The following GPAT4 variants were observed in gnomAD, a reference collection of about 807,000 sequenced individuals.
GPAT4 encodes glycerol-3-phosphate acyltransferase 4.
A neutral mutation model predicts 58.0 loss-of-function variants in GPAT4; 17 were observed. The observed-to-expected ratio is 0.29, with a 90% CI of 0.20 to 0.44. The LOEUF (loss-of-function observed/expected upper bound fraction) is 0.44, where lower values mean the gene tolerates loss of function less well. GPAT4 is among the 20% of genes least tolerant of loss of function. The pLI, the probability that GPAT4 is intolerant of heterozygous loss-of-function variation, is 1.00. For missense variants in GPAT4, 377 were observed against 574.5 expected (o/e 0.66, Z 3.51); for synonymous variants, 204 against 210.1 (o/e 0.97, Z 0.25).
At chr8:41,602,897 A>G (rs1294659997) in intron 2 of GPAT4, among the ~76,000 whole-genome samples, 1 of 152,146 alleles carries the variant, frequency 6.6e-6, no homozygotes, top group Non-Finnish European at 1.5e-5. Context: ...CTCCTGCGGC[A>G]GAGGGATGAG....
intron 8 of GPAT4, among the ~76,000 whole-genome samples, chr8:41,613,484 G>C (rs955129554): frequency 4.6e-5 from 7 of 151,714 alleles, no homozygotes; most frequent in African/African-American, 1.7e-4. Flanking sequence ...AACAAAATAC[G>C]AATTTTTACT....
At position 41,622,578 on chromosome 8, in the gene GPAT4, A is replaced by C. The variant is rs1325308417; in HGVS notation, c.*1577A>C. Reference sequence around the variant, plus strand: ...TTTTGTGCCTGTGGTGCTGAGTGTCACGTCCCCAAGGTCGCCCTCTGGCCT... The same window carrying C: ...TTTTGTGCCTGTGGTGCTGAGTGTCCCGTCCCCAAGGTCGCCCTCTGGCCT... On this transcript the variant is annotated 3_prime_UTR_variant, in exon 13 of 13. Transcript: ENST00000396987. 2.6e-5 allele frequency: 4 copies of C among 152,276 alleles called. No individual in the cohort carries two copies. Among genetic ancestry groups the C allele is most frequent in the Admixed American group, 2.6e-4 (4 of 15,274 alleles). The allele number at this position is 152,276 out of a possible 1,614,324, so 9.4% of individuals were successfully genotyped here.
At chr8:41,608,456 T>C (rs1803345717) in intron 2 of GPAT4, among the ~76,000 whole-genome samples, 1 of 152,228 alleles carries the variant, frequency 6.6e-6, no homozygotes, top group African/African-American at 2.4e-5. Flanking sequence ...AGTGATACCA[T>C]ATCCAAGGGG....
At position 41,618,749 on chromosome 8, in the gene GPAT4, G is replaced by A. The variant is rs1210459398; in HGVS notation, c.1119G>A (p.Leu373=). The part of the protein sequence containing the change: ...SSKYGMVTYL[L]RMMTSWAIVC... Reference sequence around the variant, plus strand: ...AATACGGGATGGTGACGTACCTGCTGCGAATGATGACCAGCTGGGCCATTG... The same window carrying A: ...AATACGGGATGGTGACGTACCTGCTACGAATGATGACCAGCTGGGCCATTG... The change falls in exon 11 of 13, where the codon CTG becomes CTA. Residue 373 remains leucine (L), a synonymous_variant. Transcript: ENST00000396987. 3 of 1,614,156 alleles carry A rather than the reference G, an allele frequency of 1.9e-6. No homozygotes were observed. Among genetic ancestry groups the A allele is most frequent in the Admixed American group, 1.7e-5 (1 of 60,018 alleles).
intron 2 of GPAT4, among the ~76,000 whole-genome samples, chr8:41,599,733 G>C (rs1803030866): frequency 1.3e-5 from 2 of 152,176 alleles, no homozygotes; most frequent in African/African-American, 4.8e-5. Context: ...GACAGAAAAG[G>C]GCATTTGAAT....
chr8:41,613,977 C>T (rs1803521031), intron 8 of GPAT4, among the ~76,000 whole-genome samples: 2 of 152,188 alleles, frequency 1.3e-5, no homozygotes, highest in African/African-American at 4.8e-5. Flanking sequence ...ATGAACTCTC[C>T]CCTAACTCCC....
intron 10 of GPAT4, among the ~76,000 whole-genome samples, chr8:41,617,026 T>A (rs943233600): frequency 2.0e-5 from 3 of 152,180 alleles, no homozygotes; most frequent in South Asian, 4.1e-4. Flanking sequence ...GTTCTCACAC[T>A]CTGGTGACAT....
intron 2 of GPAT4, among the ~76,000 whole-genome samples, chr8:41,607,742 T>C (rs1229703416): frequency 6.6e-6 from 1 of 152,074 alleles, no homozygotes; most frequent in African/African-American, 2.4e-5. Flanking sequence ...TTGCCCAGGC[T>C]GGTCTCAAAC....
intron 1 of GPAT4, among the ~76,000 whole-genome samples, chr8:41,597,322 T>C (rs571791059): frequency 2.0e-5 from 3 of 152,172 alleles, no homozygotes; most frequent in Non-Finnish European, 4.4e-5. Flanking sequence ...AGGTGATTAG[T>C]GTGAAGCCAA....
At chr8:41,589,317 T>C (rs1802730833) in intron 1 of GPAT4, among the ~76,000 whole-genome samples, 1 of 122,930 alleles carries the variant, frequency 8.1e-6, no homozygotes, top group Non-Finnish European at 1.6e-5. Flanking sequence ...TTCTCTGTCC[T>C]GGAGGCTGGC....
intron 2 of GPAT4, among the ~76,000 whole-genome samples, chr8:41,608,753 C>T (rs1362909776): frequency 6.6e-6 from 1 of 152,012 alleles, no homozygotes; most frequent in Non-Finnish European, 1.5e-5. Flanking sequence ...GACCAAGATT[C>T]AGAGACTTGG....
At chr8:41,585,166 A>T (rs537730526) in intron 1 of GPAT4, among the ~76,000 whole-genome samples, 6 of 152,170 alleles carry the variant, frequency 3.9e-5, no homozygotes, top group Non-Finnish European at 8.8e-5. Context: ...AGCGTAGCAC[A>T]CATTTCCTCA....
chr8:41,584,889 C>T (rs2150480647), intron 1 of GPAT4: 1 of 152,198 alleles, frequency 6.6e-6, no homozygotes, highest in East Asian at 1.9e-4. Context: ...AGACCAAGGC[C>T]CCGAACCTGA....
chr8:41,596,425 C>G (rs13250941), intron 1 of GPAT4, among the ~76,000 whole-genome samples: 84,396 of 152,076 alleles, frequency 0.55, 24,037 homozygotes, highest in Middle Eastern at 0.71. Context: ...CCAAAGTACC[C>G]GTACAGCCAT....
intron 2 of GPAT4, among the ~76,000 whole-genome samples, chr8:41,609,090 C>T (rs1325117124): frequency 6.6e-6 from 1 of 152,206 alleles, no homozygotes; most frequent in Non-Finnish European, 1.5e-5. Context: ...CAGGAGGAAT[C>T]GTGAGGTCTG....
rs949544872 is a variant in GPAT4 at position 41,624,502 on chromosome 8, T to C, written c.*3501T>C. ...ATGCATGAAGGATCCCCCCATGTCA[T>C]AGGTCCCACCTGCCTGCTGTGCATC... On this transcript the variant is annotated 3_prime_UTR_variant, in exon 13 of 13. Coordinates refer to ENST00000396987, the MANE Select transcript of GPAT4 (RefSeq NM_178819.4). 6.6e-6 allele frequency: 1 copy of C among 152,172 alleles called. No individual in the cohort carries two copies. The highest frequency in any genetic ancestry group is 2.4e-5 in the African/African-American group (1 of 41,440). 9.4% of individuals were successfully genotyped at this position (152,172 alleles called of 1,614,324 possible).
intron 1 of GPAT4, among the ~76,000 whole-genome samples, chr8:41,596,614 A>T (rs147247149): frequency 2.6e-5 from 4 of 152,160 alleles, no homozygotes; most frequent in Non-Finnish European, 5.9e-5. Context: ...CCATGGGGCA[A>T]TTGCCTACCC....
chr8:41,619,120 A>G, intron 12 of GPAT4, 143 bp downstream of exon 12: 3 of 991,594 alleles, frequency 3.0e-6, no homozygotes, highest in Non-Finnish European at 3.0e-6. Flanking sequence ...CCGAATTCCA[A>G]CCCAGAAGTG....
intron 7 of GPAT4, 22 bp from the exon 8 acceptor site, chr8:41,612,823 T>C (rs1803482440): frequency 1.2e-6 from 2 of 1,606,246 alleles, no homozygotes; most frequent in East Asian, 4.5e-5. Context: ...TCACTACTAA[T>C]GAGTCCTGTG....
Sources: gnomAD v4.1 joint callset for allele counts (sites outside exome capture counted in the v4.1 genomes callset) on GRCh38, gnomAD v4.1.1 for gene constraint, MANE v1.5 for transcripts, NCBI Gene and HGNC (gene_info 2026-07-23, HGNC 2026-07-21) for gene names.